CNTNAP2: variants seen among roughly 807,000 people sequenced by gnomAD.
CNTNAP2 encodes contactin-associated protein-like 2.
CNTNAP2 carries 98 observed loss-of-function variants against 155.2 expected under a neutral mutation model. The observed-to-expected ratio is 0.63, with a 90% CI of 0.54 to 0.75. The LOEUF (loss-of-function observed/expected upper bound fraction) is 0.75, where lower values mean the gene tolerates loss of function less well. Among genes scored for constraint, CNTNAP2 ranks in the 30% least tolerant of loss-of-function variants. The pLI is 0.00. For synonymous variants in CNTNAP2, 651 were observed against 631.2 expected (o/e 1.03, Z -0.47); for missense variants, 1,727 against 1,688.1 (o/e 1.02, Z -0.40).
intron 10 of CNTNAP2, among the ~76,000 whole-genome samples, chr7:147,402,421 G>T (rs1446640702): frequency 6.6e-6 from 1 of 152,120 alleles, no homozygotes; most frequent in Admixed American, 6.5e-5. Flanking sequence ...TATGTCATGG[G>T]TATTGCTGGA....
rs553190563 is a variant in CNTNAP2, at chr7:147,864,602, A to C, written c.2099-38963A>C. On this transcript the variant is annotated intron_variant, in intron 13 of 23. Transcript: ENST00000361727. ...ATTTGTTTGTGTCCTCTTTTATTTC[A>C]TTGAGCAGTGTTTTGTAGTTCTCCT... Among the ~76,000 whole-genome samples, 6 of 151,990 alleles carry C rather than the reference A, an allele frequency of 3.9e-5. No homozygotes were observed. In the South Asian group the frequency reaches 6.2e-4, roughly 16 times the overall value.
intron 17 of CNTNAP2, among the ~76,000 whole-genome samples, chr7:148,160,027 C>T (rs1805488659): frequency 6.6e-6 from 1 of 152,046 alleles, no homozygotes. Context: ...TCTCTTGTGC[C>T]CAGGAGTTCA....
chr7:147,450,522 A>G (rs1383938296), intron 10 of CNTNAP2, among the ~76,000 whole-genome samples: 2 of 152,208 alleles, frequency 1.3e-5, no homozygotes, highest in South Asian at 2.1e-4. Flanking sequence ...AAACTGTGAC[A>G]TAATAAATTT....
Position 146,557,650 on chromosome 7 carries a change from C to T in CNTNAP2, c.98-216621C>T, listed in dbSNP as rs118058933. ...CAGATGAGAATAAAACTTGATCCTA[C>T]GTGTCTTAATATTCAGTCTAGGAGA... On this transcript the variant is annotated intron_variant, in intron 1 of 23. Transcript: ENST00000361727. 7.3e-3 allele frequency among the ~76,000 whole-genome samples: 1,100 copies of T among 151,354 alleles called. 9 individuals are homozygous for T. The highest frequency in any genetic ancestry group is 0.01 in the South Asian group (50 of 4,830).
At chr7:146,426,549 A>T (rs1275285243) in intron 1 of CNTNAP2, among the ~76,000 whole-genome samples, 1 of 151,360 alleles carries the variant, frequency 6.6e-6, no homozygotes, top group African/African-American at 2.4e-5. Context: ...AAATTTAAAA[A>T]TATTTAAGAG....
intron 11 of CNTNAP2, among the ~76,000 whole-genome samples, chr7:147,548,866 G>A (rs762677855): frequency 3.8e-4 from 58 of 152,076 alleles, no homozygotes; most frequent in Non-Finnish European, 6.5e-4. Context: ...ATAGGAGATC[G>A]TTTCCCCATT....
At chr7:147,491,183 C>T (rs1201560486) in intron 11 of CNTNAP2, among the ~76,000 whole-genome samples, 5 of 152,160 alleles carry the variant, frequency 3.3e-5, no homozygotes, top group African/African-American at 1.2e-4. Context: ...TTGCCAGGTC[C>T]TACGTAATAT....
At chr7:147,635,206 A>ATATATATATATATAT (rs1795157010) in intron 12 of CNTNAP2, among the ~76,000 whole-genome samples, 4 of 149,944 alleles carry the variant, frequency 2.7e-5, no homozygotes, top group African/African-American at 7.4e-5. Context: ...ATATATGTTT[A>ATATATATATATATAT]ATTTTAATTA....
intron 5 of CNTNAP2, among the ~76,000 whole-genome samples, chr7:147,116,678 T>C (rs2129281693): frequency 6.6e-6 from 1 of 151,016 alleles, no homozygotes; most frequent in South Asian, 2.1e-4. Flanking sequence ...ATGACTGAAT[T>C]GTCCAAACAA....
intron 1 of CNTNAP2, among the ~76,000 whole-genome samples, chr7:146,539,958 C>A (rs1441958855): frequency 6.6e-6 from 1 of 151,972 alleles, no homozygotes; most frequent in South Asian, 2.1e-4. Flanking sequence ...CACACCTGGA[C>A]AAAGGAGTGC....
intron 21 of CNTNAP2, among the ~76,000 whole-genome samples, chr7:148,285,253 T>C (rs1797059415): frequency 6.6e-6 from 1 of 152,246 alleles, no homozygotes; most frequent in Admixed American, 6.5e-5. Context: ...TAAAAAACAA[T>C]AAAGTGTATT....
intron 2 of CNTNAP2, among the ~76,000 whole-genome samples, chr7:146,836,812 T>C (rs1197360507): frequency 6.6e-6 from 1 of 152,178 alleles, no homozygotes; most frequent in African/African-American, 2.4e-5. Flanking sequence ...AAGTGATGAA[T>C]TCTCCCAGCT....
intron 14 of CNTNAP2, among the ~76,000 whole-genome samples, chr7:147,973,605 C>A (rs191855796): frequency 2.6e-5 from 4 of 152,238 alleles, no homozygotes; most frequent in Admixed American, 1.3e-4. Context: ...TTGCAGATAT[C>A]TTTGAATTTA....
At chr7:146,515,317 T>A (rs1250935339) in intron 1 of CNTNAP2, among the ~76,000 whole-genome samples, 3 of 152,088 alleles carry the variant, frequency 2.0e-5, no homozygotes, top group Non-Finnish European at 2.9e-5. Context: ...CTGCCTACTC[T>A]GATCTCATTT....
At chr7:147,364,778 G>A (rs538925933) in intron 9 of CNTNAP2, among the ~76,000 whole-genome samples, 2 of 152,130 alleles carry the variant, frequency 1.3e-5, no homozygotes, top group Non-Finnish European at 2.9e-5. Flanking sequence ...GAACTCGGGA[G>A]GCGGAGCTTG....
chr7:147,535,204 A>G (rs777305577), intron 11 of CNTNAP2, among the ~76,000 whole-genome samples: 1 of 152,040 alleles, frequency 6.6e-6, no homozygotes, highest in Admixed American at 6.6e-5. Context: ...ACCAGCCTGG[A>G]CAACATGGTG....
intron 15 of CNTNAP2, among the ~76,000 whole-genome samples, chr7:148,063,416 C>T (rs1585105723): frequency 1.3e-5 from 2 of 152,070 alleles, no homozygotes; most frequent in South Asian, 4.2e-4. Flanking sequence ...TGACTTTGCC[C>T]CACAGCTCAT....
At chr7:146,685,903 G>A (rs1242551677) in intron 1 of CNTNAP2, among the ~76,000 whole-genome samples, 9 of 152,110 alleles carry the variant, frequency 5.9e-5, no homozygotes, top group Admixed American at 5.9e-4. Flanking sequence ...ACAGTTATGT[G>A]TTCAATGGTA....
chr7:146,290,420 G>A (rs1207718403), intron 1 of CNTNAP2, among the ~76,000 whole-genome samples: 1 of 152,272 alleles, frequency 6.6e-6, no homozygotes, highest in East Asian at 1.9e-4. Flanking sequence ...TCAAGGCGCT[G>A]CCCCTTGTTA....
Sources: allele counts gnomAD v4.1 joint callset (sites outside exome capture counted in the v4.1 genomes callset), GRCh38; gene constraint gnomAD v4.1.1; transcripts MANE v1.5; gene names NCBI Gene and HGNC (gene_info 2026-07-23, HGNC 2026-07-21).